The following SLC10A7 variants were observed in gnomAD, a reference collection of about 807,000 sequenced individuals.
SLC10A7 encodes solute carrier family 10 member 7, also known as sodium/bile acid cotransporter 7.
SLC10A7 carries 29 observed loss-of-function variants against 43.2 expected under a neutral mutation model. The observed-to-expected ratio is 0.67, with a 90% CI of 0.50 to 0.92. The LOEUF (loss-of-function observed/expected upper bound fraction) is 0.92, where lower values mean the gene tolerates loss of function less well. SLC10A7 is among the 40% of genes least tolerant of loss of function. SLC10A7 has a pLI of 0.00. For synonymous variants in SLC10A7, 152 were observed against 144.8 expected, an observed-to-expected ratio of 1.05 and a Z score of -0.35; for missense variants, 295 against 403.2, an observed-to-expected ratio of 0.73 and a Z score of 2.30.
At chr4:146,516,586 A>G (rs1474044478) in intron 2 of SLC10A7, among the ~76,000 whole-genome samples, 1 of 151,876 alleles carries the variant, frequency 6.6e-6, no homozygotes, top group Non-Finnish European at 1.5e-5. Flanking sequence ...CTAAGGAACA[A>G]TAAGCTTTTC....
At chr4:146,395,045 C>T (rs114741317) in intron 5 of SLC10A7, among the ~76,000 whole-genome samples, 97 of 152,250 alleles carry the variant, frequency 6.4e-4, no homozygotes, top group Non-Finnish European at 1.2e-3. Flanking sequence ...TTCCATGTCA[C>T]CTCTCCTGCT....
chr4:146,279,874 C>T (rs911297401), intron 10 of SLC10A7, among the ~76,000 whole-genome samples: 1 of 152,140 alleles, frequency 6.6e-6, no homozygotes, highest in Non-Finnish European at 1.5e-5. Context: ...ATACGAAGAA[C>T]TAATCAATCA....
At chr4:146,280,765 G>A (rs1363603864) in intron 10 of SLC10A7, among the ~76,000 whole-genome samples, 1 of 152,110 alleles carries the variant, frequency 6.6e-6, no homozygotes, top group African/African-American at 2.4e-5. Flanking sequence ...TGAGATAAGG[G>A]AAGCAGCAAA....
chr4:146,373,473 C>CAA (rs3054691), intron 5 of SLC10A7, among the ~76,000 whole-genome samples: 32,276 of 128,288 alleles, frequency 0.25, 4,640 homozygotes, highest in African/African-American at 0.35. Context: ...GACCCTGTCT[C>CAA]AAAAAAAAAA....
At chr4:146,422,798 T>C (rs1398392764) in intron 5 of SLC10A7, among the ~76,000 whole-genome samples, 1 of 152,116 alleles carries the variant, frequency 6.6e-6, no homozygotes, top group East Asian at 1.9e-4. Context: ...GAAATGAATG[T>C]CATTATTTTC....
At chr4:146,475,824 T>C (rs996563129) in intron 4 of SLC10A7, among the ~76,000 whole-genome samples, 5 of 152,200 alleles carry the variant, frequency 3.3e-5, no homozygotes, top group Admixed American at 2.6e-4. Flanking sequence ...GCTTTTAAAA[T>C]TAAGAGAAAT....
At chr4:146,468,175 C>A (rs942029838) in intron 4 of SLC10A7, among the ~76,000 whole-genome samples, 2 of 152,102 alleles carry the variant, frequency 1.3e-5, no homozygotes, top group Non-Finnish European at 2.9e-5. Context: ...TATCTACTTA[C>A]AAGAATTTTG....
intron 4 of SLC10A7, among the ~76,000 whole-genome samples, chr4:146,475,486 T>C (rs1401099531): frequency 6.6e-6 from 1 of 152,192 alleles, no homozygotes; most frequent in Non-Finnish European, 1.5e-5. Flanking sequence ...GAACTGATCA[T>C]TTTTGTTCCC....
intron 5 of SLC10A7, among the ~76,000 whole-genome samples, chr4:146,326,379 G>C (rs918217803): frequency 2.6e-5 from 4 of 152,186 alleles, no homozygotes; most frequent in Admixed American, 2.6e-4. Context: ...AGGTGGTTTA[G>C]TCCCAGTTGG....
intron 5 of SLC10A7, among the ~76,000 whole-genome samples, chr4:146,386,506 G>C (rs1006008958): frequency 6.6e-6 from 1 of 152,132 alleles, no homozygotes; most frequent in African/African-American, 2.4e-5. Context: ...TGCAAACTGT[G>C]TGTGTGACAT....
At chr4:146,465,277 AG>A (rs1272401625) in intron 4 of SLC10A7, among the ~76,000 whole-genome samples, 1 of 152,186 alleles carries the variant, frequency 6.6e-6, no homozygotes, top group Non-Finnish European at 1.5e-5. Flanking sequence ...ATTACTTAAC[AG>A]TAAGAATATA....
At chr4:146,378,847 G>C (rs1455099545) in intron 5 of SLC10A7, among the ~76,000 whole-genome samples, 1 of 152,160 alleles carries the variant, frequency 6.6e-6, no homozygotes, top group African/African-American at 2.4e-5. Flanking sequence ...CCCCATCCTT[G>C]GCAACTCAAA....
Position 146,256,377 on chromosome 4 carries a change from T to G in SLC10A7, c.*114A>C. ...ACTTAAACAGGATCTCATATTTTTG[T>G]GTAAAAAAATAAAATATGCATTGAG... On this transcript the variant is annotated 3_prime_UTR_variant, in exon 12 of 12. Coordinates refer to ENST00000335472, the MANE Select transcript of SLC10A7 (RefSeq NM_001029998.6). 2 of 974,512 alleles carry G rather than the reference T, an allele frequency of 2.1e-6. No homozygotes were observed. Among genetic ancestry groups the G allele is most frequent in the Non-Finnish European group, 3.2e-6 (2 of 626,930 alleles). 60.4% of individuals were successfully genotyped at this position (974,512 alleles called of 1,614,324 possible). A position where few individuals can be genotyped will look rare whatever the true frequency, so the allele number is the denominator to read the frequency against.
chr4:146,463,727 C>A (rs924931515), intron 4 of SLC10A7, among the ~76,000 whole-genome samples: 4 of 151,538 alleles, frequency 2.6e-5, no homozygotes, highest in Admixed American at 6.6e-5. Context: ...GGTGACAGAG[C>A]AAGACCCTGT....
At chr4:146,499,771 A>C (rs1736228886) in intron 4 of SLC10A7, among the ~76,000 whole-genome samples, 1 of 152,214 alleles carries the variant, frequency 6.6e-6, no homozygotes, top group South Asian at 2.1e-4. Context: ...ATAGACTAAC[A>C]CTTTTAGAAA....
Position 146,441,586 on chromosome 4 carries a change from A to T in SLC10A7, c.435+1197T>A, listed in dbSNP as rs1340728045. 1.5e-5 allele frequency: 11 copies of T among 726,722 alleles called. No individual in the cohort carries two copies. In the South Asian group the frequency reaches 1.9e-4, roughly 12 times the overall value. 45.0% of individuals were successfully genotyped at this position (726,722 alleles called of 1,614,324 possible). ...ATTATTCTATTAAACAATTGTGACA[A>T]CGTATAGAATAATACTTGGACTCAT... On this transcript the variant is annotated intron_variant, in intron 5 of 11. Coordinates refer to ENST00000335472, the MANE Select transcript of SLC10A7 (RefSeq NM_001029998.6).
intron 5 of SLC10A7, among the ~76,000 whole-genome samples, chr4:146,347,025 G>A (rs945664430): frequency 6.6e-6 from 1 of 152,082 alleles, no homozygotes. Context: ...TTAAGGAAAG[G>A]CTGCTTACCT....
At chr4:146,324,921 G>A (rs999268122) in intron 6 of SLC10A7, among the ~76,000 whole-genome samples, 1 of 152,112 alleles carries the variant, frequency 6.6e-6, no homozygotes, top group Non-Finnish European at 1.5e-5. Flanking sequence ...TCAAAAGGGA[G>A]GGTAAGGATG....
chr4:146,429,542 A>G (rs1160156670), intron 5 of SLC10A7, among the ~76,000 whole-genome samples: 1 of 152,168 alleles, frequency 6.6e-6, no homozygotes, highest in Non-Finnish European at 1.5e-5. Flanking sequence ...AATGTAATAA[A>G]TGACAAATTA....
Sources: gnomAD v4.1 joint callset for allele counts (sites outside exome capture counted in the v4.1 genomes callset) on GRCh38, gnomAD v4.1.1 for gene constraint, MANE v1.5 for transcripts, NCBI Gene and HGNC (gene_info 2026-07-23, HGNC 2026-07-21) for gene names.